BCKDHB: variants seen among roughly 807,000 people sequenced by gnomAD.
BCKDHB encodes the protein branched chain keto acid dehydrogenase E1 subunit beta, also known as 2-oxoisovalerate dehydrogenase subunit beta, mitochondrial.
BCKDHB carries 41 observed loss-of-function variants against 48.5 expected under a neutral mutation model. The observed-to-expected ratio is 0.85, with a 90% CI of 0.66 to 1.10. BCKDHB has a LOEUF of 1.10. BCKDHB is among the 50% of genes least tolerant of loss of function. The probability of loss-of-function intolerance (pLI) is 0.00; values close to 1 mark genes in which losing one functional copy is unlikely to be tolerated. For missense variants in BCKDHB, 496 were observed against 494.2 expected (o/e 1.00, Z -0.03); for synonymous variants, 201 against 174.8 (o/e 1.15, Z -1.18).
At chr6:80,272,346 T>G (rs1777780843) in intron 8 of BCKDHB, among the ~76,000 whole-genome samples, 1 of 152,166 alleles carries the variant, frequency 6.6e-6, no homozygotes, top group South Asian at 2.1e-4. Flanking sequence ...GTTAGAAATC[T>G]AAAGACAAAA....
chr6:80,281,086 A>T (rs549076132), intron 9 of BCKDHB, among the ~76,000 whole-genome samples: 1 of 152,032 alleles, frequency 6.6e-6, no homozygotes, highest in South Asian at 2.1e-4. Flanking sequence ...TGTATCTGAA[A>T]TGGGGATGAA....
At chr6:80,465,096 T>C in the BCKDHB span, among the ~76,000 whole-genome samples, 2 of 152,208 alleles carry the variant, frequency 1.3e-5, no homozygotes, top group East Asian at 3.9e-4. Flanking sequence ...GTTTGGGTCA[T>C]TCAGCTCCTT....
At chr6:80,234,035 A>G (rs1291380112) in intron 8 of BCKDHB, among the ~76,000 whole-genome samples, 1 of 152,104 alleles carries the variant, frequency 6.6e-6, no homozygotes, top group Non-Finnish European at 1.5e-5. Flanking sequence ...CGTGCACCCT[A>G]GATCCCTCGC....
chr6:80,386,451 C>T, the BCKDHB span, among the ~76,000 whole-genome samples: 4 of 151,494 alleles, frequency 2.6e-5, no homozygotes, highest in South Asian at 4.2e-4. Context: ...CTTAGCCAAC[C>T]GATGCCTTGC....
intron 9 of BCKDHB, among the ~76,000 whole-genome samples, chr6:80,311,076 A>G (rs949620078): frequency 1.2e-4 from 18 of 152,136 alleles, no homozygotes; most frequent in Non-Finnish European, 1.6e-4. Flanking sequence ...GTGAGAGGTA[A>G]TTGAATCATG....
chr6:80,113,245 A>G (rs1050655654), intron 1 of BCKDHB, among the ~76,000 whole-genome samples: 14 of 152,216 alleles, frequency 9.2e-5, no homozygotes, highest in African/African-American at 2.7e-4. Context: ...AAGATAGAAA[A>G]GAGTCCTCTC....
intron 9 of BCKDHB, among the ~76,000 whole-genome samples, chr6:80,322,903 T>C (rs531834197): frequency 6.0e-5 from 9 of 149,638 alleles, no homozygotes; most frequent in South Asian, 4.2e-4. Context: ...TTTCTTTTTT[T>C]TTTTTTTTTT....
chr6:80,344,083 CT>C lies in BCKDHB; in HGVS notation c.*280del. 2.3e-6 allele frequency: 1 copy of C among 430,486 alleles called. No individual in the cohort carries two copies. The highest frequency in any genetic ancestry group is 4.3e-6 in the Non-Finnish European group (1 of 232,122). 26.7% of individuals were successfully genotyped at this position (430,486 alleles called of 1,614,324 possible). ...TGGTGCAATCTCAGCTCACTGCAAC[CT>C]CCCCCCTACCCCTGAGTTCAAGCGA... On this transcript the variant is annotated 3_prime_UTR_variant, in exon 10 of 10. Coordinates refer to ENST00000320393, the MANE Select transcript of BCKDHB (RefSeq NM_183050.4).
At chr6:80,405,686 T>C in the BCKDHB span, among the ~76,000 whole-genome samples, 1 of 152,192 alleles carries the variant, frequency 6.6e-6, no homozygotes, top group Admixed American at 6.5e-5. Context: ...TTTTATTTTT[T>C]GTGTGTCTAC....
intron 8 of BCKDHB, among the ~76,000 whole-genome samples, chr6:80,251,469 A>G (rs1024426838): frequency 6.6e-6 from 1 of 152,192 alleles, no homozygotes; most frequent in Admixed American, 6.5e-5. Flanking sequence ...TTGTATTAAG[A>G]TATTATTTGT....
At chr6:80,401,161 G>T in the BCKDHB span, among the ~76,000 whole-genome samples, 1 of 146,878 alleles carries the variant, frequency 6.8e-6, no homozygotes, top group Non-Finnish European at 1.5e-5. Flanking sequence ...ACAAACCCCT[G>T]TGACATGAGT....
the BCKDHB span, among the ~76,000 whole-genome samples, chr6:80,447,100 T>A: frequency 6.6e-6 from 1 of 152,272 alleles, no homozygotes; most frequent in East Asian, 1.9e-4. Flanking sequence ...TATTTTTAAG[T>A]GCTAAATAAT....
At chr6:80,243,186 A>G (rs1162714717) in intron 8 of BCKDHB, among the ~76,000 whole-genome samples, 4 of 152,196 alleles carry the variant, frequency 2.6e-5, no homozygotes, top group African/African-American at 9.6e-5. Context: ...TGAGACTAGA[A>G]GTACAGGGAT....
At chr6:80,194,307 T>C (rs1315741195) in intron 6 of BCKDHB, among the ~76,000 whole-genome samples, 1 of 152,236 alleles carries the variant, frequency 6.6e-6, no homozygotes, top group African/African-American at 2.4e-5. Flanking sequence ...AGAATTCATA[T>C]GTACCTTTCA....
intron 8 of BCKDHB, among the ~76,000 whole-genome samples, chr6:80,229,186 T>A (rs923830401): frequency 6.6e-6 from 1 of 152,202 alleles, no homozygotes; most frequent in Non-Finnish European, 1.5e-5. Context: ...TAGACACTAT[T>A]GCAGGAGGCA....
chr6:80,106,998 A>G (rs930334167), intron 1 of BCKDHB, 109 bp downstream of exon 1: 29 of 1,364,308 alleles, frequency 2.1e-5, no homozygotes, highest in African/African-American at 1.4e-4. Context: ...ATCCCAGCTT[A>G]TTAACTTCCT....
the BCKDHB span, chr6:80,374,386 G>T: frequency 2.1e-5 from 17 of 805,298 alleles, 1 homozygote; most frequent in African/African-American, 1.0e-4. Flanking sequence ...CCATTGTAAC[G>T]TCGGAATGGT....
At chr6:80,261,852 TC>T (rs1777320371) in intron 8 of BCKDHB, among the ~76,000 whole-genome samples, 1 of 152,186 alleles carries the variant, frequency 6.6e-6, no homozygotes. Flanking sequence ...GCATTTTTTT[TC>T]AGTAGGCTCT....
intron 3 of BCKDHB, among the ~76,000 whole-genome samples, chr6:80,160,769 C>G (rs1252280007): frequency 6.6e-6 from 1 of 152,110 alleles, no homozygotes; most frequent in African/African-American, 2.4e-5. Context: ...ATTGATAAGT[C>G]AAATATACAG....
Sources: gnomAD v4.1 joint callset for allele counts (sites outside exome capture counted in the v4.1 genomes callset) on GRCh38, gnomAD v4.1.1 for gene constraint, MANE v1.5 for transcripts, NCBI Gene and HGNC (gene_info 2026-07-23, HGNC 2026-07-21) for gene names.